CDKAL1: variants seen among roughly 807,000 people sequenced by gnomAD.
The protein encoded by CDKAL1 is CDKAL1 threonylcarbamoyladenosine tRNA methylthiotransferase.
CDKAL1 carries 32 observed loss-of-function variants against 68.2 expected under a neutral mutation model. The ratio of observed to expected loss-of-function variants is 0.47; its 90% CI spans 0.35 to 0.63. The LOEUF (loss-of-function observed/expected upper bound fraction) is 0.63, where lower values mean the gene tolerates loss of function less well. Ranked by LOEUF, CDKAL1 falls within the 30% of genes least tolerant of loss-of-function variation. The pLI, the probability that CDKAL1 is intolerant of heterozygous loss-of-function variation, is 0.00. For synonymous variants in CDKAL1, 234 were observed against 244.3 expected (o/e 0.96, Z 0.39); for missense variants, 606 against 696.7 (o/e 0.87, Z 1.47).
intron 9 of CDKAL1, among the ~76,000 whole-genome samples, chr6:20,930,013 T>TAAG (rs1314118109): frequency 2.0e-5 from 3 of 152,238 alleles, no homozygotes; most frequent in Non-Finnish European, 4.4e-5. Context: ...ACAAGAACAT[T>TAAG]TCTTTATCAA....
rs1402555802 is a variant in CDKAL1, at chr6:21,105,133, C to T, written c.1237-3268C>T. 1.4e-4 allele frequency among the ~76,000 whole-genome samples: 22 copies of T among 152,002 alleles called. 1 individual carries two copies. Among genetic ancestry groups the T allele is most frequent in the Admixed American group, 6.6e-5 (1 of 15,264 alleles). On this transcript the variant is annotated intron_variant, in intron 12 of 15. Transcript: ENST00000274695. ...AAGTATAAGCCAAGAACTGTTTCAC[C>T]GAATAAGTGGGTATATGGGAAGAAA...
At chr6:21,036,965 A>G (rs1266401131) in intron 11 of CDKAL1, among the ~76,000 whole-genome samples, 2 of 152,232 alleles carry the variant, frequency 1.3e-5, no homozygotes, top group East Asian at 3.8e-4. Flanking sequence ...AGAGGAGATT[A>G]GACAAGAGGA....
intron 9 of CDKAL1, among the ~76,000 whole-genome samples, chr6:20,943,328 C>CAAAAAAAA (rs34759060): frequency 5.3e-4 from 27 of 50,812 alleles, no homozygotes; most frequent in Middle Eastern, 0.011. Context: ...CTTGTTTTTT[C>CAAAAAAAA]AAAAAAAAAA....
At chr6:20,652,861 C>A (rs1027754470) in intron 5 of CDKAL1, among the ~76,000 whole-genome samples, 3 of 152,190 alleles carry the variant, frequency 2.0e-5, no homozygotes, top group African/African-American at 7.2e-5. Flanking sequence ...TGTTTTCAAT[C>A]ATAACTCCCA....
chr6:21,024,312 CA>C, intron 11 of CDKAL1, among the ~76,000 whole-genome samples: 1 of 152,204 alleles, frequency 6.6e-6, no homozygotes, highest in East Asian at 1.9e-4. Context: ...GGAATGGAAG[CA>C]TTTCACAGAC....
chr6:20,815,524 T>G (rs78860273), intron 8 of CDKAL1, among the ~76,000 whole-genome samples: 11,801 of 152,022 alleles, frequency 0.078, 501 homozygotes, highest in African/African-American at 0.095. Flanking sequence ...ATAAACTTTC[T>G]CTTTTTTGAT....
chr6:20,964,222 T>C (rs1765190909), intron 10 of CDKAL1, among the ~76,000 whole-genome samples: 2 of 152,204 alleles, frequency 1.3e-5, no homozygotes. Context: ...AAGTGTAAAT[T>C]AGTTCAACCA....
chr6:21,075,279 C>A (rs1054227461), intron 12 of CDKAL1, among the ~76,000 whole-genome samples: 2 of 152,144 alleles, frequency 1.3e-5, no homozygotes, highest in East Asian at 1.9e-4. Context: ...AGTATACTCT[C>A]CCCGTCATAT....
chr6:21,023,941 T>C (rs1239549408), intron 11 of CDKAL1, among the ~76,000 whole-genome samples: 1 of 152,234 alleles, frequency 6.6e-6, no homozygotes, highest in African/African-American at 2.4e-5. Flanking sequence ...GTTTACATAA[T>C]GTCATCAAAT....
chr6:21,121,894 T>C (rs1201222152), intron 13 of CDKAL1, among the ~76,000 whole-genome samples: 3 of 152,178 alleles, frequency 2.0e-5, no homozygotes. Flanking sequence ...TGTATAGAGA[T>C]CTTAATTCTT....
intron 6 of CDKAL1, among the ~76,000 whole-genome samples, chr6:20,747,293 A>G (rs1313187258): frequency 6.6e-6 from 1 of 152,230 alleles, no homozygotes; most frequent in Non-Finnish European, 1.5e-5. Context: ...ATAATGCTGC[A>G]TTGAACTTGA....
intron 8 of CDKAL1, among the ~76,000 whole-genome samples, chr6:20,842,975 A>G (rs563705916): frequency 1.3e-5 from 2 of 152,346 alleles, no homozygotes; most frequent in East Asian, 3.9e-4. Flanking sequence ...GTTTCAGAAT[A>G]TCACTTTGTT....
intron 5 of CDKAL1, among the ~76,000 whole-genome samples, chr6:20,737,397 C>T (rs1008929569): frequency 4.6e-5 from 7 of 152,192 alleles, no homozygotes; most frequent in Non-Finnish European, 1.0e-4. Context: ...TTACCGTGTT[C>T]TCTTAAACAC....
At chr6:20,754,395 T>C (rs2745931) in intron 6 of CDKAL1, among the ~76,000 whole-genome samples, 4 of 152,082 alleles carry the variant, frequency 2.6e-5, no homozygotes, top group African/African-American at 4.8e-5. Flanking sequence ...TAACCATTTT[T>C]AACTGATGTG....
At chr6:20,632,117 ATGT>A (rs1399688663) in intron 4 of CDKAL1, among the ~76,000 whole-genome samples, 2 of 152,204 alleles carry the variant, frequency 1.3e-5, no homozygotes, top group African/African-American at 4.8e-5. Flanking sequence ...GAAAATTCAT[ATGT>A]TGGAAATGTG....
Position 20,892,461 on chromosome 6 carries a change from C to T in CDKAL1, c.742+46283C>T, listed in dbSNP as rs138044871. Reference sequence around the variant, plus strand: ...AATGAAATATTTATAGGTGAAATGACGTATCTGAGATTTTGCCTCAAAATC... The same window carrying T: ...AATGAAATATTTATAGGTGAAATGATGTATCTGAGATTTTGCCTCAAAATC... On this transcript the variant is annotated intron_variant, in intron 9 of 15. Transcript: ENST00000274695. Among the ~76,000 whole-genome samples the T allele has an allele frequency of 2.4e-3, 359 of 152,164 alleles. 4 individuals are homozygous for T. The highest frequency in any genetic ancestry group is 8.1e-3 in the African/African-American group (336 of 41,504).
intron 8 of CDKAL1, among the ~76,000 whole-genome samples, chr6:20,799,969 C>G (rs1405035796): frequency 6.6e-6 from 1 of 152,186 alleles, no homozygotes; most frequent in Non-Finnish European, 1.5e-5. Flanking sequence ...CTTAATCAGG[C>G]CCTTATATTT....
intron 13 of CDKAL1, among the ~76,000 whole-genome samples, chr6:21,118,616 G>A (rs570518244): frequency 2.6e-5 from 4 of 152,244 alleles, no homozygotes; most frequent in Admixed American, 6.5e-5. Context: ...ACTTTTAAAC[G>A]TATACGTTAA....
At position 20,701,691 on chromosome 6, in the gene CDKAL1, G is replaced by A. The variant is rs181447148; in HGVS notation, c.372-37828G>A. Among the ~76,000 whole-genome samples, 31 of 152,066 alleles carry A rather than the reference G, an allele frequency of 2.0e-4. 1 individual carries two copies. The East Asian group carries it at 4.1e-3, about 20-fold the overall frequency. On this transcript the variant is annotated intron_variant, in intron 5 of 15. Transcript: ENST00000274695. Reference sequence around the variant, plus strand: ...CTCAATTTTCCCCTTCACCATTAGGGAAATTATACCTACCAGAACTTTGAG... The same window carrying A: ...CTCAATTTTCCCCTTCACCATTAGGAAAATTATACCTACCAGAACTTTGAG...
Sources: allele counts gnomAD v4.1 joint callset (sites outside exome capture counted in the v4.1 genomes callset), GRCh38; gene constraint gnomAD v4.1.1; transcripts MANE v1.5; gene names NCBI Gene and HGNC (gene_info 2026-07-23, HGNC 2026-07-21).